The following IQCB1 variants were observed in gnomAD, a reference collection of about 807,000 sequenced individuals.
IQCB1 encodes the protein IQ calmodulin-binding motif-containing protein 1.
In IQCB1, 56 loss-of-function variants were observed where a neutral mutation model predicts 84.4. The ratio of observed to expected loss-of-function variants is 0.66; its 90% CI spans 0.54 to 0.83. The LOEUF (loss-of-function observed/expected upper bound fraction) is 0.83, where lower values mean the gene tolerates loss of function less well. Ranked by LOEUF, IQCB1 falls within the 40% of genes least tolerant of loss-of-function variation. IQCB1 has a pLI of 0.00. For synonymous variants in IQCB1, 210 were observed against 234.8 expected, an observed-to-expected ratio of 0.89 and a Z score of 0.96; for missense variants, 629 against 682.1, an observed-to-expected ratio of 0.92 and a Z score of 0.87.
intron 10 of IQCB1, among the ~76,000 whole-genome samples, chr3:121,794,326 C>A (rs574127287): frequency 8.7e-4 from 133 of 152,076 alleles, no homozygotes; most frequent in African/African-American, 3.2e-3. Flanking sequence ...AGATAATATG[C>A]TAAAAACTTT....
chr3:121,770,697 T>G, intron 14 of IQCB1, 123 bp from the exon 15 acceptor site: 1 of 807,314 alleles, frequency 1.2e-6, no homozygotes, highest in Non-Finnish European at 2.2e-6. Context: ...AATGTACTAC[T>G]TTTGAGAAAG....
At chr3:121,772,141 C>G (rs991209572) in intron 14 of IQCB1, among the ~76,000 whole-genome samples, 2 of 152,074 alleles carry the variant, frequency 1.3e-5, no homozygotes. Flanking sequence ...CACCACTGCA[C>G]TCCAGCCTGG....
In IQCB1 at chr3:121,772,348, G is replaced by A. The variant is rs368996605; in HGVS notation, c.1567+209C>T. On this transcript the variant is annotated intron_variant, in intron 14 of 14. Coordinates refer to ENST00000310864, the MANE Select transcript of IQCB1 (RefSeq NM_001023570.4). The stretch of plus-strand genomic sequence containing the variant: ...CTTTGGGGTGACACATATGAATGAT[G>A]GCAAGGCTTGGGGAAACAGGTAAGA... 2.0e-5 allele frequency among the ~76,000 whole-genome samples: 3 copies of A among 152,296 alleles called. No homozygotes were observed. In the East Asian group the frequency reaches 5.8e-4, roughly 29 times the overall value.
intron 8 of IQCB1, among the ~76,000 whole-genome samples, chr3:121,798,348 C>G (rs1208607090): frequency 6.6e-6 from 1 of 151,782 alleles, no homozygotes; most frequent in African/African-American, 2.4e-5. Flanking sequence ...CAGTATAACC[C>G]TATGTTAATA....
At chr3:121,784,300 C>G (rs1948623781) in intron 12 of IQCB1, among the ~76,000 whole-genome samples, 1 of 151,866 alleles carries the variant, frequency 6.6e-6, no homozygotes, top group Non-Finnish European at 1.5e-5. Flanking sequence ...GCTGCCTTAG[C>G]CTTCTGAGTA....
intron 12 of IQCB1, among the ~76,000 whole-genome samples, chr3:121,782,123 G>C (rs541440055): frequency 6.6e-6 from 1 of 152,232 alleles, no homozygotes; most frequent in South Asian, 2.1e-4. Flanking sequence ...GGAAAAAAAA[G>C]CAATAGATTC....
Position 121,770,208 on chromosome 3 carries a change from C to T in IQCB1, c.*137G>A. 3 of 643,480 alleles carry T rather than the reference C, an allele frequency of 4.7e-6. No homozygotes were observed. The highest frequency in any genetic ancestry group is 8.3e-6 in the Non-Finnish European group (3 of 361,396). 39.9% of individuals were successfully genotyped at this position (643,480 alleles called of 1,614,324 possible). On this transcript the variant is annotated 3_prime_UTR_variant, in exon 15 of 15. Coordinates refer to ENST00000310864, the MANE Select transcript of IQCB1 (RefSeq NM_001023570.4). ...GAGAGAGGTAGAATATAACTCTTTG[C>T]TTACTGCAGGTCTTGTCTGGAGGAG... is the stretch of plus-strand genomic sequence containing the variant.
rs1482455294 is a variant in IQCB1, at chr3:121,795,939, G to A, written c.877-373C>T. On this transcript the variant is annotated intron_variant, in intron 9 of 14. Transcript: ENST00000310864. ...TAAGCTCTGTTGACCATTGTGGATG[G>A]TTGCTCGAATCTCTGTTTAGTTCTG... Among the ~76,000 whole-genome samples, 4 of 152,062 alleles carry A rather than the reference G, an allele frequency of 2.6e-5. No homozygotes were observed. The East Asian group carries it at 7.7e-4, about 29-fold the overall frequency.
At chr3:121,807,229 A>G in intron 7 of IQCB1, 115 bp downstream of exon 7, 1 of 691,220 alleles carries the variant, frequency 1.4e-6, no homozygotes, top group Non-Finnish European at 2.7e-6. Context: ...TAGTGCATAT[A>G]CTTGTATATA....
Position 121,808,948 on chromosome 3 carries a change from A to C in IQCB1, c.455T>G (p.Leu152Arg), listed in dbSNP as rs747619740. 1.8e-5 allele frequency: 29 copies of C among 1,610,720 alleles called. No homozygotes were observed. The highest frequency in any genetic ancestry group is 2.5e-5 in the Non-Finnish European group (29 of 1,177,346). ...FQIVTDSLFW[L>R]LGGHVELIQN... The stretch of plus-strand genomic sequence containing the variant: ...AATAAGTTCAACATGGCCTCCCAAA[A>C]GCCAGAAGAGAGAATCAGTCACAAT... Residue 152 changes from leucine to arginine, a missense_variant, in exon 6 of 15, where the codon CTT becomes CGT. Transcript: ENST00000310864.
At chr3:121,790,041 C>A in intron 11 of IQCB1, 32 bp downstream of exon 11, 1 of 1,590,468 alleles carries the variant, frequency 6.3e-7, no homozygotes, top group Non-Finnish European at 8.6e-7. Flanking sequence ...CCTAAATATT[C>A]TTATATTGAT....
chr3:121,815,039 G>C (rs988966894), intron 5 of IQCB1, among the ~76,000 whole-genome samples: 1 of 152,144 alleles, frequency 6.6e-6, no homozygotes, highest in Non-Finnish European at 1.5e-5. Flanking sequence ...GAATCCAGCA[G>C]CACATCAAAA....
intron 2 of IQCB1, among the ~76,000 whole-genome samples, chr3:121,829,733 C>T (rs1279244402): frequency 1.3e-5 from 2 of 152,152 alleles, no homozygotes. Flanking sequence ...CTGATTTCCC[C>T]CAATATGCTT....
intron 5 of IQCB1, among the ~76,000 whole-genome samples, chr3:121,819,932 A>T (rs1018794778): frequency 6.6e-6 from 1 of 152,132 alleles, no homozygotes; most frequent in Admixed American, 6.5e-5. Flanking sequence ...GTGAATATTT[A>T]TACTTGGAGC....
rs572130635 is a variant in IQCB1, at chr3:121,789,757, T to G, written c.1129+316A>C. ...TGGCAGAATGTAATAATATTCCAAC[T>G]CCTTGTTTCAGTTCAAGAAGTATCT... On this transcript the variant is annotated intron_variant, in intron 11 of 14. Coordinates refer to ENST00000310864, the MANE Select transcript of IQCB1 (RefSeq NM_001023570.4). 7.6e-4 allele frequency among the ~76,000 whole-genome samples: 116 copies of G among 152,350 alleles called. 1 individual carries two copies. Among genetic ancestry groups the G allele is most frequent in the African/African-American group, 2.7e-3 (112 of 41,578 alleles).
chr3:121,797,065 G>C, intron 9 of IQCB1, 53 bp downstream of exon 9: 2 of 914,156 alleles, frequency 2.2e-6, no homozygotes, highest in Non-Finnish European at 3.6e-6. Flanking sequence ...GAAAACTAAG[G>C]TTTAATATAG....
At chr3:121,781,939 T>C in intron 12 of IQCB1, 65 bp from the exon 13 acceptor site, 2 of 1,494,174 alleles carry the variant, frequency 1.3e-6, no homozygotes, top group African/African-American at 1.4e-5. Context: ...ATTTTCTCAC[T>C]ACAACATATG....
intron 5 of IQCB1, among the ~76,000 whole-genome samples, chr3:121,813,580 T>C (rs1949922007): frequency 6.6e-6 from 1 of 152,008 alleles, no homozygotes; most frequent in Non-Finnish European, 1.5e-5. Flanking sequence ...GCAGGAATAT[T>C]TACCAAGCAA....
chr3:121,790,767 A>C (rs1025829264), intron 10 of IQCB1, among the ~76,000 whole-genome samples: 20 of 142,998 alleles, frequency 1.4e-4, no homozygotes, highest in African/African-American at 5.3e-4. Flanking sequence ...GTGTCAAAAA[A>C]CTTACATTTA....
Sources: allele counts gnomAD v4.1 joint callset (sites outside exome capture counted in the v4.1 genomes callset), GRCh38; gene constraint gnomAD v4.1.1; transcripts MANE v1.5; gene names NCBI Gene and HGNC (gene_info 2026-07-23, HGNC 2026-07-21).